The following SCN4A variants were observed in gnomAD, a reference collection of about 807,000 sequenced individuals.
The protein encoded by SCN4A is sodium channel protein type 4 subunit alpha.
A neutral mutation model predicts 162.0 loss-of-function variants in SCN4A; 83 were observed. That is an observed-to-expected ratio of 0.51 (90% CI 0.43 to 0.61). The LOEUF (loss-of-function observed/expected upper bound fraction) is 0.61, where lower values mean the gene tolerates loss of function less well. Among genes scored for constraint, SCN4A ranks in the 20% least tolerant of loss-of-function variants. The pLI is 0.00. For missense variants in SCN4A, 2,196 were observed against 2,462.5 expected (o/e 0.89, Z 2.29); for synonymous variants, 944 against 985.1 (o/e 0.96, Z 0.78).
rs1908815943 is a variant in SCN4A, at chr17:63,948,871, C to G, written c.2990-106G>C. 3.8e-6 allele frequency: 4 copies of G among 1,065,346 alleles called. No individual in the cohort carries two copies. The Admixed American group carries it at 1.1e-4, about 28-fold the overall frequency. 66.0% of individuals were successfully genotyped at this position (1,065,346 alleles called of 1,614,324 possible). On this transcript the variant is annotated intron_variant, in intron 15 of 23. Transcript: ENST00000435607. ...CATGGCATCCCAGGATGCCCCTCTC[C>G]AGCTCCCAGACCCAGGGCCCCCACC...
At chr17:63,943,934 A>G (rs1387824076) in intron 21 of SCN4A, 84 bp from the exon 22 acceptor site, 2 of 825,658 alleles carry the variant, frequency 2.4e-6, no homozygotes, top group Admixed American at 2.0e-5. Context: ...GGGGCACCTC[A>G]CCTTTAAGGC....
At chr17:63,962,432 C>T (rs1252026486) in intron 10 of SCN4A, among the ~76,000 whole-genome samples, 1 of 152,194 alleles carries the variant, frequency 6.6e-6, no homozygotes, top group African/African-American at 2.4e-5. Context: ...CAAAGCTGTT[C>T]CTCCTCCTCC....
At position 63,972,063 on chromosome 17, in the gene SCN4A, C is replaced by A; in HGVS notation, c.482+73G>T. 8.1e-7 allele frequency: 1 copy of A among 1,233,282 alleles called. No homozygotes were observed. Among genetic ancestry groups the A allele is most frequent in the Non-Finnish European group, 1.2e-6 (1 of 851,256 alleles). 76.4% of individuals were successfully genotyped at this position (1,233,282 alleles called of 1,614,324 possible). Reference sequence around the variant, plus strand: ...GTCTCCCTGAAAGACAAGAGCAGCACCACACAGAGGTGCAAACACCTGAGA... The same window carrying A: ...GTCTCCCTGAAAGACAAGAGCAGCAACACACAGAGGTGCAAACACCTGAGA... On this transcript the variant is annotated intron_variant, in intron 3 of 23. Coordinates refer to ENST00000435607, the MANE Select transcript of SCN4A (RefSeq NM_000334.4). The surrounding 1 kb of genome is among the most constrained non-coding windows in gnomAD (Gnocchi z 4.3).
intron 21 of SCN4A, 48 bp from the exon 22 acceptor site, chr17:63,943,898 G>T: frequency 7.9e-7 from 1 of 1,270,570 alleles, no homozygotes; most frequent in Non-Finnish European, 1.1e-6. Context: ...TCCCCTTCCT[G>T]CCTCCAGGAC....
intron 13 of SCN4A, among the ~76,000 whole-genome samples, chr17:63,956,372 G>A (rs1909071984): frequency 6.6e-6 from 1 of 152,170 alleles, no homozygotes; most frequent in Non-Finnish European, 1.5e-5. Flanking sequence ...CTCCCAAATA[G>A]CTGGGTTTGG....
In SCN4A at chr17:63,941,309, T is replaced by C. The variant is rs755094660; in HGVS notation, c.4973A>G (p.Lys1658Arg). Residue 1658 changes from lysine (K) to arginine (R), a missense_variant, in exon 24 of 24, where the codon AAG becomes AGG. Transcript: ENST00000435607. This position sits in a 1 kb window ranked among gnomAD's most constrained non-coding sequence, Gnocchi z 6.2. The stretch of plus-strand genomic sequence containing the variant: ...CAAGTCCAGTGTGATGAGCTTGATC[T>C]TGTTGGGCTTGGCAATCCTCAGCGG... ...QEPLRIAKPN[K>R]IKLITLDLPM... 6.2e-7 allele frequency: 1 copy of C among 1,613,906 alleles called. No homozygotes were observed. The highest frequency in any genetic ancestry group is 1.1e-5 in the South Asian group (1 of 91,078).
At chr17:63,954,473 A>T (rs989474974) in intron 13 of SCN4A, among the ~76,000 whole-genome samples, 3 of 152,062 alleles carry the variant, frequency 2.0e-5, no homozygotes, top group African/African-American at 4.8e-5. Flanking sequence ...CCAAGACAGA[A>T]ATAGCTGCCC....
At position 63,971,704 on chromosome 17, in the gene SCN4A, C is replaced by T; in HGVS notation, c.611+18G>A. ...CTCACCCACCCCAGCCTCAGGATGT[C>T]CTGGGGCCCCTGCTCACGCCATCAT... On this transcript the variant is annotated intron_variant, in intron 4 of 23. Coordinates refer to ENST00000435607, the MANE Select transcript of SCN4A (RefSeq NM_000334.4). 6.4e-7 allele frequency: 1 copy of T among 1,567,672 alleles called. No individual in the cohort carries two copies. Among genetic ancestry groups the T allele is most frequent in the Non-Finnish European group, 8.6e-7 (1 of 1,156,616 alleles).
chr17:63,971,009 C>G (rs1567829029), intron 5 of SCN4A, among the ~76,000 whole-genome samples, 153 bp downstream of exon 5: 1 of 152,208 alleles, frequency 6.6e-6, no homozygotes, highest in South Asian at 2.1e-4. Context: ...CATCTGCCCT[C>G]TGGTCACGTG....
intron 8 of SCN4A, among the ~76,000 whole-genome samples, chr17:63,965,778 C>T (rs183182612): frequency 1.2e-4 from 19 of 152,344 alleles, no homozygotes; most frequent in East Asian, 3.9e-4. Context: ...TGAGCCACCG[C>T]GCCCGGCAGG....
chr17:63,971,102 C>A, intron 5 of SCN4A, 60 bp downstream of exon 5: 1 of 1,113,362 alleles, frequency 9.0e-7, no homozygotes, highest in South Asian at 1.3e-5. Flanking sequence ...AGGTTCCAGG[C>A]CTGCACATGG....
chr17:63,947,121 A>C lies in SCN4A; in HGVS notation c.3365T>G (p.Leu1122Arg). 1 of 1,606,434 alleles carries C rather than the reference A, an allele frequency of 6.2e-7. No individual in the cohort carries two copies. The highest frequency in any genetic ancestry group is 2.3e-5 in the East Asian group (1 of 44,362). ...LVANWLGYSE[L>R]GPIKSLRTLR... ...TGTCCGCAGGGATTTGATGGGTCCC[A>C]GCTCCGAGTAGCCCAGCCAGTTGGC... Residue 1122 changes from leucine to arginine, a missense_variant, in exon 18 of 24, where the codon CTG becomes CGG. Leu to Arg is a moderately radical substitution (Grantham distance 102). Coordinates refer to ENST00000435607, the MANE Select transcript of SCN4A (RefSeq NM_000334.4).
Position 63,963,597 on chromosome 17 carries a change from A to G in SCN4A, c.1606+75T>C, listed in dbSNP as rs533710672. 3.3e-4 allele frequency: 472 copies of G among 1,420,078 alleles called. 2 individuals are homozygous for G. The African/African-American group carries it at 5.8e-3, about 18-fold the overall frequency. The allele number at this position is 1,420,078 out of a possible 1,614,324, so 88.0% of individuals were successfully genotyped here. ...GCACAGGGCACTCACCTTCCATGGCATCCCTATCCTCCTGAATCCAGTCCA... is the reference window on the plus strand; with the variant it reads ...GCACAGGGCACTCACCTTCCATGGCGTCCCTATCCTCCTGAATCCAGTCCA... On this transcript the variant is annotated intron_variant, in intron 10 of 23. Transcript: ENST00000435607.
chr17:63,944,630 G>A lies in SCN4A; in HGVS notation c.3912+43C>T, dbSNP rs374924338. ...GAGTGGACAAAGGAGGCAGGAGGGA[G>A]GCCCAGCACCGGGAGGGCCCGAGGG... On this transcript the variant is annotated intron_variant, in intron 21 of 23. Coordinates refer to ENST00000435607, the MANE Select transcript of SCN4A (RefSeq NM_000334.4). This position sits in a 1 kb window ranked among gnomAD's most constrained non-coding sequence, Gnocchi z 4.3. 64 of 1,564,888 alleles carry A rather than the reference G, an allele frequency of 4.1e-5. No homozygotes were observed. The African/African-American group carries it at 8.1e-4, about 20-fold the overall frequency.
chr17:63,972,851 C>T lies in SCN4A; in HGVS notation c.-10G>A, dbSNP rs377225468. ...GAGATGGTCTGGCCATCCTCGCATC[C>T]TGGGCTCAGAGACCAGAAGGGTGGT... On this transcript the variant is annotated 5_prime_UTR_variant, in exon 1 of 24. Transcript: ENST00000435607. This position sits in a 1 kb window ranked among gnomAD's most constrained non-coding sequence, Gnocchi z 4.3. 2.5e-5 allele frequency: 40 copies of T among 1,599,858 alleles called. No homozygotes were observed. Among genetic ancestry groups the T allele is most frequent in the Non-Finnish European group, 3.3e-5 (39 of 1,172,022 alleles).
At chr17:63,963,553 G>A (rs1192786712) in intron 10 of SCN4A, 119 bp downstream of exon 10, 7 of 1,106,390 alleles carry the variant, frequency 6.3e-6, no homozygotes, top group Admixed American at 6.4e-5. Flanking sequence ...GACCTCAGGG[G>A]CCTGAATGGG....
chr17:63,954,800 G>A (rs1382642476), intron 13 of SCN4A, among the ~76,000 whole-genome samples: 1 of 152,152 alleles, frequency 6.6e-6, no homozygotes, highest in Non-Finnish European at 1.5e-5. Flanking sequence ...GGCTGGGAAA[G>A]GATGTCAGTG....
rs559817106 is a variant in SCN4A, at chr17:63,955,093, C to T, written c.2376+2069G>A. 1.8e-4 allele frequency among the ~76,000 whole-genome samples: 28 copies of T among 152,324 alleles called. 1 individual carries two copies. In the South Asian group the frequency reaches 2.3e-3, roughly 12 times the overall value. ...GTCACCATGCTTCTGCTGATGCTGA[C>T]GTTATCATTATTACGATACTGTTGT... On this transcript the variant is annotated intron_variant, in intron 13 of 23. Transcript: ENST00000435607.
intron 5 of SCN4A, among the ~76,000 whole-genome samples, chr17:63,968,835 T>A (rs1771348005): frequency 6.6e-6 from 1 of 152,136 alleles, no homozygotes; most frequent in Non-Finnish European, 1.5e-5. Context: ...AACAAAAACT[T>A]TATTTGTATT....
Sources: allele counts gnomAD v4.1 joint callset (sites outside exome capture counted in the v4.1 genomes callset), GRCh38; gene constraint gnomAD v4.1.1; non-coding constraint Gnocchi (gnomAD v3.1); transcripts MANE v1.5; gene names NCBI Gene and HGNC (gene_info 2026-07-23, HGNC 2026-07-21).